RPSA2: variants seen among roughly 807,000 people sequenced by gnomAD.
RPSA2 encodes the protein ribosomal protein SA 2.
chr19:23,778,839 G>A, the RPSA2 span, among the ~76,000 whole-genome samples: 123 of 151,910 alleles, frequency 8.1e-4, no homozygotes, highest in African/African-American at 2.9e-3. Context: ...CAATTTGGGC[G>A]ACTGTGTCAT....
chr19:23,789,196 TC>T, the RPSA2 span, among the ~76,000 whole-genome samples: 1 of 151,970 alleles, frequency 6.6e-6, no homozygotes, highest in Non-Finnish European at 1.5e-5. Flanking sequence ...AGGTGGGGCT[TC>T]ACCATGCTGG....
chr19:23,814,144 G>A, the RPSA2 span, among the ~76,000 whole-genome samples: 6 of 150,810 alleles, frequency 4.0e-5, no homozygotes, highest in Non-Finnish European at 5.9e-5. Flanking sequence ...CCTGGAAGGC[G>A]GAGGTTGCAG....
the RPSA2 span, among the ~76,000 whole-genome samples, chr19:23,852,956 C>G: frequency 4.1e-3 from 628 of 152,246 alleles, 6 homozygotes; most frequent in African/African-American, 0.014. Flanking sequence ...TGTAACTCAG[C>G]GGCTCAAAAA....
At chr19:23,826,402 A>C in the RPSA2 span, among the ~76,000 whole-genome samples, 1 of 152,042 alleles carries the variant, frequency 6.6e-6, no homozygotes, top group African/African-American at 2.4e-5. Flanking sequence ...CATGTTGGCC[A>C]GCGTGGTTTC....
At chr19:23,759,812 G>A in the RPSA2 span, among the ~76,000 whole-genome samples, 77 of 152,020 alleles carry the variant, frequency 5.1e-4, no homozygotes, top group African/African-American at 1.7e-3. Flanking sequence ...GTGAGCCACC[G>A]CGCCCGGCCT....
chr19:23,861,219 C>T, the RPSA2 span, among the ~76,000 whole-genome samples: 5 of 152,172 alleles, frequency 3.3e-5, no homozygotes, highest in African/African-American at 9.7e-5. Flanking sequence ...TAACAATAGA[C>T]CTGTCCTCAA....
At chr19:23,767,803 G>A in the RPSA2 span, among the ~76,000 whole-genome samples, 1 of 117,034 alleles carries the variant, frequency 8.5e-6, no homozygotes, top group South Asian at 2.7e-4. Context: ...GTCTAGCTCT[G>A]TCGCCCAGGC....
At chr19:23,827,616 C>A in the RPSA2 span, 1 of 1,592,282 alleles carries the variant, frequency 6.3e-7, no homozygotes, top group Admixed American at 1.7e-5. Context: ...AACACAGATT[C>A]TCCTCTGCGC....
At chr19:23,841,117 A>T in the RPSA2 span, among the ~76,000 whole-genome samples, 1 of 152,166 alleles carries the variant, frequency 6.6e-6, no homozygotes, top group East Asian at 1.9e-4. Flanking sequence ...TCCAATATGT[A>T]TCAGCACCTG....
At chr19:23,821,701 C>T in the RPSA2 span, among the ~76,000 whole-genome samples, 12 of 152,326 alleles carry the variant, frequency 7.9e-5, 1 homozygote, top group African/African-American at 2.6e-4. Flanking sequence ...TCTGGACATT[C>T]ATTTTTCTAG....
chr19:23,798,532 T>C, the RPSA2 span, among the ~76,000 whole-genome samples: 1 of 152,196 alleles, frequency 6.6e-6, no homozygotes, highest in Non-Finnish European at 1.5e-5. Flanking sequence ...ATGAATTCCT[T>C]AATTCTTTTA....
the RPSA2 span, among the ~76,000 whole-genome samples, chr19:23,773,260 C>T: frequency 1.9e-5 from 1 of 53,696 alleles, no homozygotes; most frequent in African/African-American, 6.4e-5. Flanking sequence ...CCACGCCTGG[C>T]TAATTTGATA....
the RPSA2 span, among the ~76,000 whole-genome samples, chr19:23,846,141 GCTGT>G: frequency 7.9e-5 from 12 of 152,168 alleles, no homozygotes; most frequent in African/African-American, 2.9e-4. Context: ...GACAGATACT[GCTGT>G]CTGTTTTTGG....
the RPSA2 span, among the ~76,000 whole-genome samples, chr19:23,866,715 A>T: frequency 6.6e-6 from 1 of 152,148 alleles, no homozygotes; most frequent in Non-Finnish European, 1.5e-5. Flanking sequence ...GGTGGGTCCC[A>T]GGAGGAATAT....
At chr19:23,864,421 C>T in the RPSA2 span, among the ~76,000 whole-genome samples, 1 of 152,096 alleles carries the variant, frequency 6.6e-6, no homozygotes, top group African/African-American at 2.4e-5. Flanking sequence ...AGAAGACAGC[C>T]ATATGTAACA....
chr19:23,829,183 A>T, the RPSA2 span, among the ~76,000 whole-genome samples: 6 of 152,090 alleles, frequency 3.9e-5, no homozygotes, highest in Non-Finnish European at 7.4e-5. Context: ...GTCTTTTTTA[A>T]TTATTAGACT....
At chr19:23,849,277 C>A in the RPSA2 span, among the ~76,000 whole-genome samples, 2 of 152,100 alleles carry the variant, frequency 1.3e-5, no homozygotes, top group African/African-American at 2.4e-5. Flanking sequence ...AGTGGCAATG[C>A]CCGATGTTCT....
chr19:23,765,197 G>A, the RPSA2 span, among the ~76,000 whole-genome samples: 1 of 152,154 alleles, frequency 6.6e-6, no homozygotes. Context: ...TGGTGGGAGT[G>A]TAAATTAGTT....
the RPSA2 span, among the ~76,000 whole-genome samples, chr19:23,783,531 A>G: frequency 0.98 from 144,576 of 147,766 alleles, 70,817 homozygotes; most frequent in Middle Eastern, 1. Context: ...ATTCTGCTTG[A>G]GCACTGCCAA....
Sources: gnomAD v4.1 joint callset for allele counts (sites outside exome capture counted in the v4.1 genomes callset) on GRCh38, gnomAD v4.1.1 for gene constraint, MANE v1.5 for transcripts, NCBI Gene and HGNC (gene_info 2026-07-23, HGNC 2026-07-21) for gene names.